The following ZC3H7A variants were observed in gnomAD, a reference collection of about 807,000 sequenced individuals.
ZC3H7A encodes zinc finger CCCH-type containing 7A.
Under a neutral mutation model 125.5 loss-of-function variants are expected in ZC3H7A, and 44 were observed. That is an observed-to-expected ratio of 0.35 (90% confidence interval 0.28 to 0.45). The LOEUF (loss-of-function observed/expected upper bound fraction) is 0.45, where lower values mean the gene tolerates loss of function less well. ZC3H7A is among the 20% of genes least tolerant of loss of function. The pLI is 1.00. For missense variants in ZC3H7A, 977 were observed against 1,170.7 expected (o/e 0.83, Z 2.41); for synonymous variants, 399 against 391.2 (o/e 1.02, Z -0.23).
chr16:11,763,377 G>C (rs1428658235), intron 16 of ZC3H7A, 101 bp downstream of exon 16: 27 of 1,212,148 alleles, frequency 2.2e-5, no homozygotes, highest in Non-Finnish European at 2.8e-5. Flanking sequence ...CCAAAGTAGT[G>C]GGATTACAGG....
At chr16:11,777,119 C>T (rs563989521) in intron 4 of ZC3H7A, among the ~76,000 whole-genome samples, 1 of 152,280 alleles carries the variant, frequency 6.6e-6, no homozygotes, top group East Asian at 1.9e-4. Flanking sequence ...CATGTACACA[C>T]CATCCAGGTC....
chr16:11,780,397 A>C lies in ZC3H7A; in HGVS notation c.108+1028T>G, dbSNP rs186502227. Among the ~76,000 whole-genome samples, 1,484 of 152,280 alleles carry C rather than the reference A, an allele frequency of 9.7e-3. 19 individuals carry two copies. The highest frequency in any genetic ancestry group is 0.011 in the Admixed American group (168 of 15,286). On this transcript the variant is annotated intron_variant, in intron 3 of 22. Transcript: ENST00000355758. ...CAGCCTCCGAAAATGCTGGGATTAC[A>C]GGTGTGAGCCACCACGCCTGGCCAT...
intron 1 of ZC3H7A, among the ~76,000 whole-genome samples, chr16:11,790,344 C>G (rs1418103326): frequency 6.6e-6 from 1 of 152,194 alleles, no homozygotes; most frequent in Non-Finnish European, 1.5e-5. Flanking sequence ...TAAGAATCAT[C>G]TGTACTTCCT....
chr16:11,789,137 T>C (rs747398018), intron 1 of ZC3H7A, among the ~76,000 whole-genome samples: 9 of 152,196 alleles, frequency 5.9e-5, no homozygotes, highest in Non-Finnish European at 1.0e-4. Context: ...GCTACAGTTA[T>C]ATGTCACCAT....
At position 11,769,054 on chromosome 16, in the gene ZC3H7A, T is replaced by G. The variant is rs371936030; in HGVS notation, c.1150A>C (p.Asn384His). The change falls in exon 11 of 23, where the codon AAC becomes CAC. Residue 384 changes from asparagine (N) to histidine (H), a missense_variant. This residue lies in a region of ZC3H7A where 342 missense variants were observed against 311.3 expected (regional missense o/e 1.10). Transcript: ENST00000355758. ...STSREGTPLN[N>H]SNSSLLLMNG... ...ACAAGTAAAAGGGAAGAATTACTGT[T>G]GTTAAGCGGTGTTCCCTCTCTAGAA... is the stretch of plus-strand genomic sequence containing the variant. 5.6e-6 allele frequency: 9 copies of G among 1,609,808 alleles called. No homozygotes were observed. In the African/African-American group the frequency reaches 1.1e-4, roughly 19 times the overall value.
chr16:11,760,140 A>AAAAAAAAAAAAAAAAAG (rs1567374789), intron 19 of ZC3H7A, among the ~76,000 whole-genome samples: 2 of 149,598 alleles, frequency 1.3e-5, no homozygotes, highest in African/African-American at 5.0e-5. Flanking sequence ...AAAAAAAAAA[A>AAAAAAAAAAAAAAAAAG]AAAAAGAAAA....
chr16:11,773,271 C>CT (rs1478056892), intron 9 of ZC3H7A, among the ~76,000 whole-genome samples: 1 of 151,884 alleles, frequency 6.6e-6, no homozygotes, highest in Non-Finnish European at 1.5e-5. Context: ...CCTCAACCTC[C>CT]TGGGCGCAAG....
chr16:11,777,060 T>C, intron 4 of ZC3H7A, 151 bp from the exon 5 acceptor site: 1 of 604,752 alleles, frequency 1.7e-6, no homozygotes. Flanking sequence ...TTTTAAATTA[T>C]TTTATGAAAT....
At chr16:11,758,953 C>A in intron 19 of ZC3H7A, 1 of 175,532 alleles carries the variant, frequency 5.7e-6, no homozygotes, top group Non-Finnish European at 1.2e-5. Flanking sequence ...CCAAAGGGTA[C>A]TGAACAGTGC....
chr16:11,750,654 A>G lies in ZC3H7A; in HGVS notation c.*663T>C, dbSNP rs2052540441. The G allele has an allele frequency of 6.6e-6, 1 of 152,656 alleles. No individual in the cohort carries two copies. The highest frequency in any genetic ancestry group is 1.5e-5 in the Non-Finnish European group (1 of 68,048). 9.5% of individuals were successfully genotyped at this position (152,656 alleles called of 1,614,324 possible). A position where few individuals can be genotyped will look rare whatever the true frequency, so the allele number is the denominator to read the frequency against. The stretch of plus-strand genomic sequence containing the variant: ...GTCCATACACTAACACAATACCAAC[A>G]GTACAGGTTTAATCTTTCAAAATCA... On this transcript the variant is annotated 3_prime_UTR_variant, in exon 23 of 23. Transcript: ENST00000355758.
At position 11,756,073 on chromosome 16, in the gene ZC3H7A, G is replaced by A. The variant is rs184388434; in HGVS notation, c.2562+164C>T. On this transcript the variant is annotated intron_variant, in intron 21 of 22. Transcript: ENST00000355758. ...AGCTACTTGGGAGGCTGAGGCAAGA[G>A]AATTGCTTGAACCAGGGAGGCGGAG... Among the ~76,000 whole-genome samples the A allele has an allele frequency of 2.2e-4, 34 of 152,204 alleles. 1 individual carries two copies. Among genetic ancestry groups the A allele is most frequent in the Admixed American group, 2.2e-3 (33 of 15,298 alleles).
intron 21 of ZC3H7A, among the ~76,000 whole-genome samples, chr16:11,755,552 A>T (rs965328932): frequency 6.7e-6 from 1 of 149,728 alleles, no homozygotes; most frequent in African/African-American, 2.6e-5. Context: ...CCAGCGGGGT[A>T]GACAGCCCAC....
intron 18 of ZC3H7A, 53 bp downstream of exon 18, chr16:11,761,857 C>T (rs750676107): frequency 2.6e-5 from 41 of 1,597,202 alleles, no homozygotes; most frequent in Non-Finnish European, 3.1e-5. Flanking sequence ...TAATTTTATA[C>T]CTACGAAACA....
chr16:11,797,026 C>A (rs1227262725), intron 1 of ZC3H7A, 98 bp downstream of exon 1: 1 of 146,962 alleles, frequency 6.8e-6, no homozygotes, highest in Admixed American at 6.8e-5. Flanking sequence ...CGTCCGTTAA[C>A]GGCCGCGCGC....
At chr16:11,792,977 C>T (rs982030403) in intron 1 of ZC3H7A, among the ~76,000 whole-genome samples, 30 of 152,132 alleles carry the variant, frequency 2.0e-4, no homozygotes, top group African/African-American at 6.5e-4. Context: ...GCTCAACAGA[C>T]GTCATTTAAT....
intron 9 of ZC3H7A, among the ~76,000 whole-genome samples, chr16:11,771,629 T>C (rs2052984310): frequency 6.6e-6 from 1 of 151,726 alleles, no homozygotes. Context: ...GCCTCCTGTG[T>C]AGCTGGGATT....
intron 19 of ZC3H7A, among the ~76,000 whole-genome samples, chr16:11,760,433 T>C (rs1173055002): frequency 6.6e-6 from 1 of 152,184 alleles, no homozygotes; most frequent in Admixed American, 6.5e-5. Flanking sequence ...AAAACCACTT[T>C]GGATAAAACA....
intron 10 of ZC3H7A, among the ~76,000 whole-genome samples, chr16:11,769,710 C>CAAAAAA (rs529124830): frequency 0.036 from 1,162 of 32,520 alleles, 152 homozygotes; most frequent in Non-Finnish European, 0.041. Context: ...GACTCTGTCT[C>CAAAAAA]AAAAAAAAAA....
intron 9 of ZC3H7A, among the ~76,000 whole-genome samples, chr16:11,771,235 A>C (rs1439361077): frequency 6.6e-6 from 1 of 151,928 alleles, no homozygotes; most frequent in Non-Finnish European, 1.5e-5. Flanking sequence ...TAAAATACAA[A>C]ACATTGGCTG....
Sources: gnomAD v4.1 joint callset for allele counts (sites outside exome capture counted in the v4.1 genomes callset) on GRCh38, gnomAD v4.1.1 for gene constraint, gnomAD v4.1.1 regional missense constraint, MANE v1.5 for transcripts, NCBI Gene and HGNC (gene_info 2026-07-23, HGNC 2026-07-21) for gene names.